KAZN: variants seen among roughly 807,000 people sequenced by gnomAD.
KAZN encodes the protein kazrin.
A neutral mutation model predicts 87.4 loss-of-function variants in KAZN; 40 were observed. That is an observed-to-expected ratio of 0.46 (90% CI 0.36 to 0.60). The LOEUF (loss-of-function observed/expected upper bound fraction) is 0.60, where lower values mean the gene tolerates loss of function less well. Among genes scored for constraint, KAZN ranks in the 20% least tolerant of loss-of-function variants. The pLI, the probability that KAZN is intolerant of heterozygous loss-of-function variation, is 0.00. For synonymous variants in KAZN, 466 were observed against 458.3 expected, an observed-to-expected ratio of 1.02 and a Z score of -0.22; for missense variants, 898 against 1,073.9, an observed-to-expected ratio of 0.84 and a Z score of 2.29.
intron 2 of KAZN, among the ~76,000 whole-genome samples, chr1:14,486,904 T>C (rs1456147672): frequency 6.6e-6 from 1 of 152,152 alleles, no homozygotes; most frequent in Admixed American, 6.5e-5. Flanking sequence ...AAATTACGGG[T>C]TCTGTCTTTT....
chr1:14,520,334 G>A (rs960359890), intron 2 of KAZN, among the ~76,000 whole-genome samples: 2 of 152,122 alleles, frequency 1.3e-5, no homozygotes, highest in Admixed American at 1.3e-4. Context: ...CTCCCGAGAA[G>A]GGTGGGCATG....
intron 2 of KAZN, among the ~76,000 whole-genome samples, chr1:14,997,812 T>G (rs1222345466): frequency 6.6e-6 from 1 of 152,090 alleles, no homozygotes; most frequent in Non-Finnish European, 1.5e-5. Context: ...AGCAACAGCA[T>G]CAGGTGGGCA....
chr1:14,015,122 A>G (rs2101213524), intron 1 of KAZN, among the ~76,000 whole-genome samples: 1 of 152,314 alleles, frequency 6.6e-6, no homozygotes, highest in South Asian at 2.1e-4. Flanking sequence ...CCACATTTTA[A>G]CACAGATGAT....
chr1:14,948,531 G>A lies in KAZN; in HGVS notation c.227-12153G>A, dbSNP rs181645750. ...TCAGTAATCTCATTAGCCAGACTGG[G>A]TCATATTTTCATCCCTGAACCACAG... On this transcript the variant is annotated intron_variant, in intron 1 of 14. Transcript: ENST00000376030. Among the ~76,000 whole-genome samples, 382 of 152,264 alleles carry A rather than the reference G, an allele frequency of 2.5e-3. 1 individual carries two copies. Among genetic ancestry groups the A allele is most frequent in the Non-Finnish European group, 4.7e-3 (317 of 68,034 alleles).
intron 2 of KAZN, among the ~76,000 whole-genome samples, chr1:14,274,535 G>A (rs1652199679): frequency 6.6e-6 from 1 of 152,276 alleles, no homozygotes; most frequent in Non-Finnish European, 1.5e-5. Context: ...CCTGTACAAA[G>A]CCTAATAGAA....
chr1:14,643,757 G>A (rs1680586871), intron 1 of KAZN, among the ~76,000 whole-genome samples: 1 of 152,118 alleles, frequency 6.6e-6, no homozygotes, highest in African/African-American at 2.4e-5. Context: ...TTTCCACAAT[G>A]GTTGAACTAA....
intron 1 of KAZN, among the ~76,000 whole-genome samples, chr1:14,910,346 C>T (rs185844356): frequency 6.5e-4 from 99 of 152,322 alleles, no homozygotes; most frequent in South Asian, 2.5e-3. Context: ...CCTACCAACT[C>T]CTCCGTCTCA....
At chr1:14,765,785 A>G (rs1644867764) in intron 1 of KAZN, among the ~76,000 whole-genome samples, 1 of 152,184 alleles carries the variant, frequency 6.6e-6, no homozygotes. Flanking sequence ...GGAACAACCC[A>G]GGAGAACTGT....
intron 6 of KAZN, 56 bp downstream of exon 6, chr1:15,060,358 G>A (rs1306479394): frequency 1.2e-6 from 2 of 1,604,570 alleles, no homozygotes; most frequent in Non-Finnish European, 1.7e-6. Context: ...AAACTGCAGG[G>A]GCGGGGGTGG....
At chr1:14,936,003 C>A (rs899987097) in intron 1 of KAZN, among the ~76,000 whole-genome samples, 1 of 152,260 alleles carries the variant, frequency 6.6e-6, no homozygotes, top group Non-Finnish European at 1.5e-5. Flanking sequence ...AGCCTCCAAG[C>A]CCCCCTGCCC....
At chr1:14,261,110 G>A (rs1650980851) in intron 2 of KAZN, among the ~76,000 whole-genome samples, 1 of 152,186 alleles carries the variant, frequency 6.6e-6, no homozygotes, top group Non-Finnish European at 1.5e-5. Context: ...ACTATTCAAA[G>A]GATCAGTTCT....
intron 1 of KAZN, among the ~76,000 whole-genome samples, chr1:14,011,056 T>C (rs1016540696): frequency 3.3e-5 from 5 of 152,134 alleles, no homozygotes; most frequent in African/African-American, 1.2e-4. Flanking sequence ...ATTGCCATAG[T>C]TCAGCATCTG....
At chr1:14,466,694 C>G (rs537707779) in intron 2 of KAZN, among the ~76,000 whole-genome samples, 6 of 151,398 alleles carry the variant, frequency 4.0e-5, no homozygotes, top group Non-Finnish European at 8.8e-5. Flanking sequence ...AACGGCCAGG[C>G]GCGGTGGCTC....
At chr1:14,442,331 A>G (rs1666751151) in intron 2 of KAZN, among the ~76,000 whole-genome samples, 1 of 152,204 alleles carries the variant, frequency 6.6e-6, no homozygotes, top group African/African-American at 2.4e-5. Flanking sequence ...ACAAATCACT[A>G]CCCATCTACC....
intron 2 of KAZN, among the ~76,000 whole-genome samples, chr1:14,209,192 GA>G (rs1164629045): frequency 2.0e-5 from 3 of 151,810 alleles, no homozygotes; most frequent in Admixed American, 6.6e-5. Flanking sequence ...CACAGCAAAG[GA>G]AAAAAAGAGA....
intron 1 of KAZN, among the ~76,000 whole-genome samples, chr1:14,741,271 G>A (rs1392677823): frequency 2.6e-5 from 4 of 152,230 alleles, no homozygotes; most frequent in Non-Finnish European, 5.9e-5. Context: ...TGCCTCCCCA[G>A]CACCCAGCAC....
At chr1:14,455,733 C>A (rs1391959869) in intron 2 of KAZN, among the ~76,000 whole-genome samples, 1 of 152,142 alleles carries the variant, frequency 6.6e-6, no homozygotes, top group Non-Finnish European at 1.5e-5. Flanking sequence ...AATAAGCTTG[C>A]CACTCAAACA....
At chr1:14,055,217 C>T (rs1045297040) in intron 1 of KAZN, among the ~76,000 whole-genome samples, 1 of 152,164 alleles carries the variant, frequency 6.6e-6, no homozygotes, top group Non-Finnish European at 1.5e-5. Flanking sequence ...AAAATTAGAC[C>T]TATTTCACAA....
chr1:14,919,657 A>G (rs893940447), intron 1 of KAZN, among the ~76,000 whole-genome samples: 10 of 152,262 alleles, frequency 6.6e-5, no homozygotes, highest in Admixed American at 6.5e-4. Flanking sequence ...AGATAGTAAC[A>G]TGTTGGCTGG....
Sources: allele counts gnomAD v4.1 joint callset (sites outside exome capture counted in the v4.1 genomes callset), GRCh38; gene constraint gnomAD v4.1.1; transcripts MANE v1.5; gene names NCBI Gene and HGNC (gene_info 2026-07-23, HGNC 2026-07-21).